Variants in BTBD3 observed in about 807,000 individuals in gnomAD.
BTBD3 encodes BTB domain containing 3.
Under a neutral mutation model 41.6 loss-of-function variants are expected in BTBD3, and 14 were observed. The ratio of observed to expected loss-of-function variants is 0.34; its 90% confidence interval spans 0.22 to 0.53. BTBD3 has a LOEUF of 0.53. BTBD3 is among the 20% of genes least tolerant of loss of function. The pLI is 0.95. For missense variants in BTBD3, 426 were observed against 654.7 expected (o/e 0.65, Z 3.81); for synonymous variants, 249 against 233.7 (o/e 1.07, Z -0.60).
intron 1 of BTBD3, among the ~76,000 whole-genome samples, chr20:11,893,076 G>A (rs2056766047): frequency 6.7e-6 from 1 of 150,170 alleles, no homozygotes; most frequent in African/African-American, 2.5e-5. Flanking sequence ...TTTTTTTAAT[G>A]CTCAAAACAG....
chr20:11,898,503 A>G (rs2056804014), intron 1 of BTBD3, among the ~76,000 whole-genome samples: 1 of 152,110 alleles, frequency 6.6e-6, no homozygotes, highest in African/African-American at 2.4e-5. Context: ...TTACCTTCTA[A>G]GTTACTATTT....
At chr20:11,915,412 T>G (rs936252039), upstream of BTBD3, among the ~76,000 whole-genome samples, 1 of 152,192 alleles carries the variant, frequency 6.6e-6, no homozygotes, top group African/African-American at 2.4e-5. Context: ...ACTTAATAGT[T>G]GAATGCAACA....
Position 11,919,356 on chromosome 20 carries a change from C to T in BTBD3, c.417+180C>T, listed in dbSNP as rs956933252. 4 of 1,416,002 alleles carry T rather than the reference C, an allele frequency of 2.8e-6. No individual in the cohort carries two copies. In the South Asian group the frequency reaches 6.5e-5, roughly 23 times the overall value. 87.7% of individuals were successfully genotyped at this position (1,416,002 alleles called of 1,614,324 possible). The stretch of plus-strand genomic sequence containing the variant: ...CCACGCTTAATTTTTTCTTTGTTTC[C>T]TTCTATACTGCTTTATATCTCACAC... On this transcript the variant is annotated intron_variant, in intron 2 of 3. Coordinates refer to ENST00000378226, the MANE Select transcript of BTBD3 (RefSeq NM_014962.4).
At chr20:11,919,514 A>G in intron 2 of BTBD3, 4 of 1,204,266 alleles carry the variant, frequency 3.3e-6, no homozygotes, top group Non-Finnish European at 4.5e-6. Flanking sequence ...CATGTGCATT[A>G]ATCTCTTAAA....
rs373983851 is a variant in BTBD3 at position 11,924,485 on chromosome 20, T to C, written c.*819T>C. 2.6e-5 allele frequency: 4 copies of C among 152,596 alleles called. No individual in the cohort carries two copies. The highest frequency in any genetic ancestry group is 3.8e-4 in the East Asian group (2 of 5,198). The allele number at this position is 152,596 out of a possible 1,614,324, so 9.5% of individuals were successfully genotyped here. ...GCCTGAAAAAGACTCATACTACAAA[T>C]AATTTAATTGATGGCATATAAGAAT... On this transcript the variant is annotated 3_prime_UTR_variant, in exon 4 of 4. Transcript: ENST00000378226.
chr20:11,913,126 C>T (rs1049506262), upstream of BTBD3, among the ~76,000 whole-genome samples: 1 of 152,220 alleles, frequency 6.6e-6, no homozygotes, highest in Non-Finnish European at 1.5e-5. Context: ...CTTCAGTCTA[C>T]CTTACCTTGT....
chr20:11,895,756 G>A (rs2056783020), intron 1 of BTBD3, among the ~76,000 whole-genome samples: 3 of 152,178 alleles, frequency 2.0e-5, no homozygotes, highest in Admixed American at 2.0e-4. Flanking sequence ...GAATTTTAGA[G>A]CTTCTCATGC....
chr20:11,907,976 CA>C (rs545654308), intron 1 of BTBD3, among the ~76,000 whole-genome samples: 35 of 152,164 alleles, frequency 2.3e-4, no homozygotes, highest in Non-Finnish European at 4.4e-4. Context: ...AGACCTTCCT[CA>C]ATTTAGATGA....
intron 1 of BTBD3, chr20:11,892,417 G>C (rs114312191): frequency 6.6e-6 from 1 of 152,252 alleles, no homozygotes; most frequent in African/African-American, 2.4e-5. Context: ...GGGTTACTGC[G>C]GGTTCCCATA....
At chr20:11,895,863 A>G (rs2056783806) in intron 1 of BTBD3, among the ~76,000 whole-genome samples, 1 of 152,208 alleles carries the variant, frequency 6.6e-6, no homozygotes, top group East Asian at 1.9e-4. Context: ...CTGTTGGTAT[A>G]GCATTCCCTC....
At chr20:11,897,377 A>AT (rs1231753389) in intron 1 of BTBD3, among the ~76,000 whole-genome samples, 1 of 147,488 alleles carries the variant, frequency 6.8e-6, no homozygotes, top group Non-Finnish European at 1.5e-5. Context: ...AGCCTGCCCC[A>AT]TTTTATTAGG....
chr20:11,920,984 T>C (rs987836792), intron 3 of BTBD3, among the ~76,000 whole-genome samples: 1 of 152,202 alleles, frequency 6.6e-6, no homozygotes, highest in Non-Finnish European at 1.5e-5. Context: ...TAAAGGCAAG[T>C]GAGCATGTGA....
At chr20:11,900,428 G>A (rs2056816719) in intron 1 of BTBD3, among the ~76,000 whole-genome samples, 1 of 152,204 alleles carries the variant, frequency 6.6e-6, no homozygotes, top group African/African-American at 2.4e-5. Context: ...ACCTGCTTTG[G>A]AGACTCTTGT....
intron 3 of BTBD3, among the ~76,000 whole-genome samples, chr20:11,920,106 G>A (rs531414190): frequency 2.0e-5 from 3 of 152,292 alleles, no homozygotes; most frequent in Admixed American, 6.5e-5. Context: ...TAAAATTAAA[G>A]ACAAATAACT....
intron 1 of BTBD3, among the ~76,000 whole-genome samples, chr20:11,894,948 C>T (rs1274368054): frequency 2.0e-5 from 3 of 152,164 alleles, no homozygotes; most frequent in African/African-American, 4.8e-5. Context: ...TAATCTTTAT[C>T]TGAAAGGTGA....
chr20:11,906,824 T>C (rs2056857795), intron 1 of BTBD3, among the ~76,000 whole-genome samples: 3 of 152,328 alleles, frequency 2.0e-5, no homozygotes, highest in Middle Eastern at 6.8e-3. Flanking sequence ...AAGCCTATTT[T>C]ATTACTTTGT....
chr20:11,900,321 T>G (rs1373334391), intron 1 of BTBD3, among the ~76,000 whole-genome samples: 2 of 152,212 alleles, frequency 1.3e-5, no homozygotes, highest in African/African-American at 4.8e-5. Flanking sequence ...TGGAAAAAAT[T>G]GACCTATGTA....
chr20:11,920,643 CTAAT>C (rs2056963231), intron 3 of BTBD3, among the ~76,000 whole-genome samples: 1 of 152,132 alleles, frequency 6.6e-6, no homozygotes, highest in Non-Finnish European at 1.5e-5. Flanking sequence ...TGATCATAAT[CTAAT>C]TATTATTCTA....
chr20:11,913,869 T>C (rs2122266227), upstream of BTBD3, among the ~76,000 whole-genome samples: 1 of 152,328 alleles, frequency 6.6e-6, no homozygotes, highest in South Asian at 2.1e-4. Context: ...GGGAATTGAA[T>C]GGAAATAGGT....
Sources: allele counts gnomAD v4.1 joint callset (sites outside exome capture counted in the v4.1 genomes callset), GRCh38; gene constraint gnomAD v4.1.1; transcripts MANE v1.5; gene names NCBI Gene and HGNC (gene_info 2026-07-23, HGNC 2026-07-21).